UNC5C: variants seen among roughly 807,000 people sequenced by gnomAD.
UNC5C encodes the protein unc-5 netrin receptor C.
Under a neutral mutation model 99.8 loss-of-function variants are expected in UNC5C, and 47 were observed. The ratio of observed to expected loss-of-function variants is 0.47; its 90% CI spans 0.37 to 0.60. UNC5C has a LOEUF of 0.60. Ranked by LOEUF, UNC5C falls within the 20% of genes least tolerant of loss-of-function variation. UNC5C has a pLI of 0.00. For synonymous variants in UNC5C, 487 were observed against 452.2 expected (o/e 1.08, Z -0.98); for missense variants, 1,062 against 1,165.9 (o/e 0.91, Z 1.30).
intron 2 of UNC5C, among the ~76,000 whole-genome samples, chr4:95,321,794 G>T (rs1742702367): frequency 6.6e-6 from 1 of 152,156 alleles, no homozygotes; most frequent in African/African-American, 2.4e-5. Context: ...TTGATATTCT[G>T]TTATGACTAA....
intron 13 of UNC5C, among the ~76,000 whole-genome samples, chr4:95,184,636 C>G (rs1054991491): frequency 6.6e-6 from 1 of 152,182 alleles, no homozygotes; most frequent in Non-Finnish European, 1.5e-5. Context: ...AAGTAGGGCT[C>G]CCTCTAATTT....
intron 10 of UNC5C, among the ~76,000 whole-genome samples, chr4:95,213,176 A>C (rs886692356): frequency 3.3e-5 from 5 of 152,246 alleles, no homozygotes; most frequent in Non-Finnish European, 5.9e-5. Flanking sequence ...TCACCCTTTG[A>C]TAAAACTGCT....
intron 1 of UNC5C, among the ~76,000 whole-genome samples, chr4:95,479,336 T>G (rs1721063331): frequency 6.6e-6 from 1 of 151,990 alleles, no homozygotes; most frequent in Non-Finnish European, 1.5e-5. Context: ...CTATGTGGGC[T>G]TAGGTGATAT....
intron 1 of UNC5C, among the ~76,000 whole-genome samples, chr4:95,389,581 T>C (rs1337183390): frequency 1.3e-5 from 2 of 152,108 alleles, no homozygotes; most frequent in African/African-American, 4.8e-5. Context: ...TAATAATTGA[T>C]TTAAAATTTA....
intron 1 of UNC5C, among the ~76,000 whole-genome samples, chr4:95,438,806 TTTA>T (rs1307952025): frequency 3.3e-5 from 5 of 152,160 alleles, no homozygotes; most frequent in Non-Finnish European, 7.4e-5. Context: ...AACAGCTGAT[TTTA>T]TTGATTGATT....
intron 1 of UNC5C, among the ~76,000 whole-genome samples, chr4:95,355,611 AC>A (rs373678054): frequency 1.9e-3 from 279 of 144,550 alleles, no homozygotes; most frequent in African/African-American, 6.7e-3. Flanking sequence ...TCTGCGCCCC[AC>A]CCCCCCAGCA....
chr4:95,464,581 T>C (rs1274499497), intron 1 of UNC5C, among the ~76,000 whole-genome samples: 1 of 152,174 alleles, frequency 6.6e-6, no homozygotes, highest in Non-Finnish European at 1.5e-5. Flanking sequence ...TCAACAAGAA[T>C]GCATAATTAA....
At chr4:95,258,577 C>T (rs904661742) in intron 4 of UNC5C, among the ~76,000 whole-genome samples, 12 of 151,900 alleles carry the variant, frequency 7.9e-5, no homozygotes, top group African/African-American at 1.7e-4. Context: ...ATAGTCCTTT[C>T]AATGATTTGG....
intron 1 of UNC5C, among the ~76,000 whole-genome samples, chr4:95,448,708 T>A (rs1173908337): frequency 6.6e-6 from 1 of 152,192 alleles, no homozygotes; most frequent in East Asian, 1.9e-4. Flanking sequence ...CCTGCAGAAT[T>A]TTGACATGAA....
chr4:95,448,238 G>GAGAGAGAGAGAGAGAGAGAGAC (rs1747176325), intron 1 of UNC5C, among the ~76,000 whole-genome samples: 5 of 136,938 alleles, frequency 3.7e-5, no homozygotes, highest in African/African-American at 1.1e-4. Context: ...GAGAGAGAGA[G>GAGAGAGAGAGAGAGAGAGAGAC]AGAGAGAGAG....
intron 14 of UNC5C, among the ~76,000 whole-genome samples, chr4:95,177,456 G>C (rs963808080): frequency 3.3e-5 from 5 of 152,162 alleles, no homozygotes; most frequent in Non-Finnish European, 7.3e-5. Context: ...CCCCAGCCGT[G>C]AATGCACTGG....
intron 3 of UNC5C, among the ~76,000 whole-genome samples, chr4:95,290,934 A>G (rs1741420418): frequency 6.6e-6 from 1 of 152,202 alleles, no homozygotes; most frequent in Non-Finnish European, 1.5e-5. Context: ...AGTCGTGCCA[A>G]GCCCTGGCTA....
intron 7 of UNC5C, among the ~76,000 whole-genome samples, chr4:95,240,007 A>G (rs1256422835): frequency 6.6e-6 from 1 of 152,192 alleles, no homozygotes; most frequent in African/African-American, 2.4e-5. Flanking sequence ...AATTTTGAAT[A>G]GATTCAGAGG....
chr4:95,226,453 T>C (rs1048913332), intron 7 of UNC5C, among the ~76,000 whole-genome samples: 4 of 152,192 alleles, frequency 2.6e-5, no homozygotes, highest in African/African-American at 9.7e-5. Flanking sequence ...ATTGATATAA[T>C]TATGATGCAC....
At position 95,164,933 on chromosome 4, in the gene UNC5C, C is replaced by T. The variant is rs542731967; in HGVS notation, c.*4301G>A. 2.6e-5 allele frequency: 4 copies of T among 152,328 alleles called. No individual in the cohort carries two copies. Among genetic ancestry groups the T allele is most frequent in the South Asian group, 4.1e-4 (2 of 4,828 alleles). The allele number at this position is 152,328 out of a possible 1,614,324, so 9.4% of individuals were successfully genotyped here. A position where few individuals can be genotyped will look rare whatever the true frequency, so the allele number is the denominator to read the frequency against. On this transcript the variant is annotated 3_prime_UTR_variant, in exon 16 of 16. Coordinates refer to ENST00000453304, the MANE Select transcript of UNC5C (RefSeq NM_003728.4). ...TATATAGGTTTATATTTTCCTGGCC[C>T]CATAGGGGCAGACCTTATAGAGGCA... is the stretch of plus-strand genomic sequence containing the variant.
At position 95,466,569 on chromosome 4, in the gene UNC5C, T is replaced by A. The variant is rs1747785061; in HGVS notation, c.124+82165A>T. On this transcript the variant is annotated intron_variant, in intron 1 of 15. Coordinates refer to ENST00000453304, the MANE Select transcript of UNC5C (RefSeq NM_003728.4). The stretch of plus-strand genomic sequence containing the variant: ...AAACTCCAAGTGTTTAGAAAACATA[T>A]CCCAGCATTTGAAGACATTAATTAA... Among the ~76,000 whole-genome samples the A allele has an allele frequency of 2.0e-5, 3 of 152,130 alleles. No homozygotes were observed. The South Asian group carries it at 6.2e-4, about 32-fold the overall frequency.
At chr4:95,358,536 A>C (rs1403546263) in intron 1 of UNC5C, among the ~76,000 whole-genome samples, 1 of 152,192 alleles carries the variant, frequency 6.6e-6, no homozygotes, top group Non-Finnish European at 1.5e-5. Context: ...GCCCTTAGAA[A>C]TCACAATACT....
intron 2 of UNC5C, among the ~76,000 whole-genome samples, chr4:95,328,724 C>T (rs1476789647): frequency 2.0e-5 from 3 of 151,116 alleles, no homozygotes; most frequent in Non-Finnish European, 4.4e-5. Flanking sequence ...CTCTCCAGCA[C>T]CTGTTGTTTC....
chr4:95,256,464 C>T (rs1739986538), intron 4 of UNC5C, among the ~76,000 whole-genome samples: 1 of 151,988 alleles, frequency 6.6e-6, no homozygotes, highest in African/African-American at 2.4e-5. Context: ...AATGTTAGAG[C>T]AGCACACATT....
Sources: gnomAD v4.1 joint callset for allele counts (sites outside exome capture counted in the v4.1 genomes callset) on GRCh38, gnomAD v4.1.1 for gene constraint, MANE v1.5 for transcripts, NCBI Gene and HGNC (gene_info 2026-07-23, HGNC 2026-07-21) for gene names.